Variants in GMDS observed in about 807,000 individuals in gnomAD.
GMDS encodes GDP-mannose 4,6 dehydratase.
In GMDS, 20 loss-of-function variants were observed where a neutral mutation model predicts 49.9. That is an observed-to-expected ratio of 0.40 (90% CI 0.28 to 0.58). The LOEUF (loss-of-function observed/expected upper bound fraction) is 0.58. GMDS is among the 20% of genes least tolerant of loss of function. GMDS has a pLI of 0.42. For synonymous variants in GMDS, 177 were observed against 178.6 expected (o/e 0.99, Z 0.07); for missense variants, 362 against 481.4 (o/e 0.75, Z 2.32).
At chr6:2,164,327 C>T (rs895374560) in intron 1 of GMDS, among the ~76,000 whole-genome samples, 1 of 152,088 alleles carries the variant, frequency 6.6e-6, no homozygotes, top group African/African-American at 2.4e-5. Context: ...TGTAGTGTAC[C>T]TTCTCAGGGG....
At chr6:1,840,860 T>C (rs1757124763) in intron 7 of GMDS, among the ~76,000 whole-genome samples, 1 of 152,224 alleles carries the variant, frequency 6.6e-6, no homozygotes, top group Non-Finnish European at 1.5e-5. Flanking sequence ...TTGGTTAAAA[T>C]GCCTCAGTGG....
chr6:1,707,245 A>G (rs1207538736), intron 9 of GMDS, among the ~76,000 whole-genome samples: 2 of 152,214 alleles, frequency 1.3e-5, no homozygotes, highest in Admixed American at 1.3e-4. Flanking sequence ...ATACTTTTTA[A>G]TGTGACTTTA....
At chr6:1,930,456 A>G (rs927564411) in intron 6 of GMDS, 1 of 405,712 alleles carries the variant, frequency 2.5e-6, no homozygotes, top group African/African-American at 2.1e-5. Context: ...CTTTCAGAAC[A>G]AACGTTTTTC....
intron 9 of GMDS, among the ~76,000 whole-genome samples, chr6:1,703,053 C>T (rs1342998893): frequency 6.6e-6 from 1 of 152,146 alleles, no homozygotes; most frequent in African/African-American, 2.4e-5. Flanking sequence ...GCTGCAGTAG[C>T]ACCTTTTGGG....
At chr6:1,680,675 G>A (rs560484779) in intron 9 of GMDS, among the ~76,000 whole-genome samples, 4 of 152,292 alleles carry the variant, frequency 2.6e-5, no homozygotes, top group South Asian at 4.2e-4. Context: ...CATGAACGGC[G>A]TATGTTCCAG....
At chr6:1,963,011 G>T (rs1409864284) in intron 4 of GMDS, among the ~76,000 whole-genome samples, 2 of 150,672 alleles carry the variant, frequency 1.3e-5, no homozygotes, top group Non-Finnish European at 3.0e-5. Context: ...TGAGTAGCTG[G>T]GATTACAGGC....
intron 7 of GMDS, among the ~76,000 whole-genome samples, chr6:1,800,785 C>A (rs1374422276): frequency 1.3e-5 from 2 of 152,090 alleles, no homozygotes; most frequent in African/African-American, 4.8e-5. Context: ...AGCTCCTTAG[C>A]CCTGGGTGAA....
chr6:1,709,282 G>A (rs114936375), intron 9 of GMDS, among the ~76,000 whole-genome samples: 2 of 152,312 alleles, frequency 1.3e-5, no homozygotes, highest in Non-Finnish European at 2.9e-5. Context: ...AGAGGCTAAT[G>A]TGCAGAAGGG....
intron 7 of GMDS, among the ~76,000 whole-genome samples, chr6:1,790,209 A>G (rs1355774585): frequency 1.3e-5 from 2 of 152,220 alleles, no homozygotes; most frequent in East Asian, 3.8e-4. Flanking sequence ...CAGCTCAGAA[A>G]GAAATTTTCA....
intron 7 of GMDS, among the ~76,000 whole-genome samples, chr6:1,855,205 C>T (rs937605047): frequency 1.3e-5 from 2 of 152,192 alleles, no homozygotes; most frequent in African/African-American, 4.8e-5. Flanking sequence ...GTATGACCTG[C>T]TCTGGGAAAA....
intron 4 of GMDS, among the ~76,000 whole-genome samples, chr6:2,031,096 C>T (rs1475500262): frequency 6.6e-6 from 1 of 152,214 alleles, no homozygotes; most frequent in Non-Finnish European, 1.5e-5. Context: ...GGTTCTCACA[C>T]TTTAATGTGC....
At chr6:2,028,177 C>G (rs1005662779) in intron 4 of GMDS, among the ~76,000 whole-genome samples, 1 of 152,206 alleles carries the variant, frequency 6.6e-6, no homozygotes, top group African/African-American at 2.4e-5. Flanking sequence ...TTTGTTCACA[C>G]AAACAGCGCC....
At chr6:1,787,204 A>G (rs1265090446) in intron 7 of GMDS, among the ~76,000 whole-genome samples, 9 of 152,246 alleles carry the variant, frequency 5.9e-5, no homozygotes, top group Admixed American at 5.2e-4. Context: ...TAGCAATAAA[A>G]ATAATAATAA....
At chr6:2,148,303 G>C (rs1776675628) in intron 1 of GMDS, among the ~76,000 whole-genome samples, 1 of 152,202 alleles carries the variant, frequency 6.6e-6, no homozygotes. Context: ...GATCTATTCA[G>C]TGATTCAACA....
chr6:1,779,707 C>T (rs748986030), intron 7 of GMDS, among the ~76,000 whole-genome samples: 28 of 152,094 alleles, frequency 1.8e-4, no homozygotes, highest in Non-Finnish European at 4.0e-4. Context: ...ATCATGGATG[C>T]GAACCTGTCC....
At chr6:2,028,555 C>T (rs906892459) in intron 4 of GMDS, among the ~76,000 whole-genome samples, 1 of 152,136 alleles carries the variant, frequency 6.6e-6, no homozygotes, top group African/African-American at 2.4e-5. Flanking sequence ...AGGGATGTAC[C>T]TTTAAGGGTT....
At chr6:1,999,997 TATATATATATA>T (rs1561961939) in intron 4 of GMDS, among the ~76,000 whole-genome samples, 7 of 7,852 alleles carry the variant, frequency 8.9e-4, no homozygotes, top group Non-Finnish European at 2.0e-3. Context: ...ATATATATAT[TATATATATATA>T]TTTTTTATAT....
intron 9 of GMDS, among the ~76,000 whole-genome samples, chr6:1,642,171 T>C (rs960166940): frequency 1.3e-5 from 2 of 149,132 alleles, no homozygotes; most frequent in Non-Finnish European, 3.0e-5. Flanking sequence ...TTTTTTTTTT[T>C]TTTTTTTAAG....
intron 2 of GMDS, among the ~76,000 whole-genome samples, chr6:2,120,663 A>T (rs1234831866): frequency 6.6e-6 from 1 of 152,116 alleles, no homozygotes; most frequent in Non-Finnish European, 1.5e-5. Context: ...CTCTGTACTT[A>T]GTGCAAAATG....
Sources: gnomAD v4.1 joint callset for allele counts (sites outside exome capture counted in the v4.1 genomes callset) on GRCh38, gnomAD v4.1.1 for gene constraint, MANE v1.5 for transcripts, NCBI Gene and HGNC (gene_info 2026-07-23, HGNC 2026-07-21) for gene names.